The following MCPH1 variants were observed in gnomAD, a reference collection of about 807,000 sequenced individuals.
MCPH1 encodes microcephalin 1, also known as microcephalin.
A neutral mutation model predicts 84.5 loss-of-function variants in MCPH1; 104 were observed. That is an observed-to-expected ratio of 1.23 (90% confidence interval 1.05 to 1.45). The LOEUF is 1.45. MCPH1 is among the 40% of genes most tolerant of loss of function. The probability of loss-of-function intolerance (pLI) is 0.00; values close to 1 mark genes in which losing one functional copy is unlikely to be tolerated. For synonymous variants in MCPH1, 514 were observed against 366.8 expected (o/e 1.40, Z -4.58); for missense variants, 1,498 against 1,005.7 (o/e 1.49, Z -6.62).
At chr8:6,526,990 A>T (rs1310855058) in intron 12 of MCPH1, among the ~76,000 whole-genome samples, 1 of 152,202 alleles carries the variant, frequency 6.6e-6, no homozygotes, top group East Asian at 1.9e-4. Context: ...AAGAGGAAAC[A>T]TTGGATCATA....
intron 12 of MCPH1, among the ~76,000 whole-genome samples, chr8:6,520,905 G>C (rs886460997): frequency 2.6e-5 from 4 of 152,160 alleles, no homozygotes; most frequent in African/African-American, 9.7e-5. Flanking sequence ...TTAGTAATTT[G>C]CCCAGTCTCA....
chr8:6,444,889 G>A lies in MCPH1; in HGVS notation c.1167G>A (p.Arg389=), dbSNP rs372491727. The A allele has an allele frequency of 6.2e-7, 1 of 1,614,166 alleles. No homozygotes were observed. The highest frequency in any genetic ancestry group is 1.7e-5 in the Admixed American group (1 of 60,026). Residue 389 remains arginine (R), a synonymous_variant, in exon 8 of 14, where the codon AGG becomes AGA. Transcript: ENST00000344683. The stretch of plus-strand genomic sequence containing the variant: ...TCATGCCGAGGCTGCAGCTGTGCAG[G>A]TCGGAAGACAGGCTGCAGCACGTGG... ...RSIMPRLQLC[R]SEDRLQHVAG... is the part of the protein sequence containing the mutation.
intron 12 of MCPH1, among the ~76,000 whole-genome samples, chr8:6,598,670 C>T (rs1326259616): frequency 2.0e-5 from 3 of 152,258 alleles, no homozygotes; most frequent in East Asian, 1.9e-4. Context: ...TCGTGTGAGC[C>T]GGCGGGCGGC....
chr8:6,624,972 T>C, intron 13 of MCPH1: 1 of 618,318 alleles, frequency 1.6e-6, no homozygotes, highest in Non-Finnish European at 2.0e-6. Flanking sequence ...ACCTCCTGGG[T>C]TCAAGTGATT....
chr8:6,527,414 C>T (rs1818535157), intron 12 of MCPH1: 1 of 1,011,332 alleles, frequency 9.9e-7, no homozygotes, highest in South Asian at 1.8e-5. Context: ...AGCCCTCTCC[C>T]TTCTCCTCCC....
chr8:6,626,234 A>T (rs1379603750), intron 13 of MCPH1: 1 of 985,246 alleles, frequency 1.0e-6, no homozygotes, highest in Non-Finnish European at 1.2e-6. Context: ...TGGAGGTGTG[A>T]AGTCACTCAA....
At chr8:6,415,643 CGT>C (rs1368372466) in intron 3 of MCPH1, among the ~76,000 whole-genome samples, 2 of 152,092 alleles carry the variant, frequency 1.3e-5, no homozygotes, top group African/African-American at 4.8e-5. Flanking sequence ...TGTGAGCCAC[CGT>C]GCGCGGCCCA....
chr8:6,479,567 T>C (rs1410328522), intron 10 of MCPH1, among the ~76,000 whole-genome samples: 2 of 147,168 alleles, frequency 1.4e-5, no homozygotes, highest in African/African-American at 5.4e-5. Context: ...CCTGAGTATC[T>C]GGGACTACAG....
intron 12 of MCPH1, among the ~76,000 whole-genome samples, chr8:6,601,430 C>T (rs1305071155): frequency 6.6e-6 from 1 of 151,920 alleles, no homozygotes; most frequent in African/African-American, 2.4e-5. Context: ...ACCGGCTGCC[C>T]GTACGGGACT....
intron 11 of MCPH1, among the ~76,000 whole-genome samples, chr8:6,494,989 C>T (rs1252762827): frequency 6.6e-6 from 1 of 152,018 alleles, no homozygotes; most frequent in African/African-American, 2.4e-5. Flanking sequence ...TTTAAAAGAA[C>T]TTTATGGAAT....
intron 3 of MCPH1, among the ~76,000 whole-genome samples, chr8:6,419,742 A>C (rs1224734546): frequency 6.6e-6 from 1 of 151,584 alleles, no homozygotes; most frequent in Non-Finnish European, 1.5e-5. Context: ...CAAGTGATCC[A>C]CTCACTCCAG....
chr8:6,592,697 C>G (rs1828594071), intron 12 of MCPH1, among the ~76,000 whole-genome samples: 1 of 147,104 alleles, frequency 6.8e-6, no homozygotes, highest in Admixed American at 6.9e-5. Flanking sequence ...CTCTGTCACC[C>G]AGGCTGAAGT....
rs117670677 is a variant in MCPH1, at chr8:6,416,135, C to G, written c.233+1252C>G. Among the ~76,000 whole-genome samples, 2,217 of 152,256 alleles carry G rather than the reference C, an allele frequency of 0.015. 119 individuals are homozygous for G. In the East Asian group the frequency reaches 0.18, roughly 13 times the overall value. On this transcript the variant is annotated intron_variant, in intron 3 of 13. Coordinates refer to ENST00000344683, the MANE Select transcript of MCPH1 (RefSeq NM_024596.5). Reference sequence around the variant, plus strand: ...ATGCAGGTGATTGTTGTATGTTGATCTTATACCCTGCAAATTTGCTTAACT... The same window carrying G: ...ATGCAGGTGATTGTTGTATGTTGATGTTATACCCTGCAAATTTGCTTAACT...
chr8:6,624,631 G>T (rs1461407916), intron 13 of MCPH1, among the ~76,000 whole-genome samples: 3 of 152,094 alleles, frequency 2.0e-5, no homozygotes, highest in African/African-American at 7.2e-5. Context: ...ACATACTTCT[G>T]GCTTTTCTCA....
chr8:6,489,920 A>G (rs969865133), intron 11 of MCPH1, among the ~76,000 whole-genome samples: 35 of 152,274 alleles, frequency 2.3e-4, no homozygotes, highest in African/African-American at 8.0e-4. Flanking sequence ...CTTTAAATGG[A>G]TAAGGCTAAA....
intron 9 of MCPH1, among the ~76,000 whole-genome samples, chr8:6,467,561 A>G (rs2129558159): frequency 6.6e-6 from 1 of 152,228 alleles, no homozygotes; most frequent in Non-Finnish European, 1.5e-5. Context: ...GTAGGAATGA[A>G]ACAGTTTACA....
chr8:6,564,016 C>G (rs904888166), intron 12 of MCPH1, among the ~76,000 whole-genome samples: 1 of 127,668 alleles, frequency 7.8e-6, no homozygotes, highest in African/African-American at 2.9e-5. Flanking sequence ...GAGTCTCGCT[C>G]TGTCGACCAG....
At chr8:6,431,997 CA>C (rs1238672532) in intron 4 of MCPH1, among the ~76,000 whole-genome samples, 1 of 152,218 alleles carries the variant, frequency 6.6e-6, no homozygotes, top group Non-Finnish European at 1.5e-5. Flanking sequence ...ATCTGCTGTA[CA>C]AATACAGTTG....
chr8:6,534,068 C>A (rs1007605467), intron 12 of MCPH1, among the ~76,000 whole-genome samples: 2 of 152,130 alleles, frequency 1.3e-5, no homozygotes, highest in South Asian at 4.2e-4. Context: ...TCAGCCTGGT[C>A]ACTAAGGCTG....
Sources: allele counts gnomAD v4.1 joint callset (sites outside exome capture counted in the v4.1 genomes callset), GRCh38; gene constraint gnomAD v4.1.1; transcripts MANE v1.5; gene names NCBI Gene and HGNC (gene_info 2026-07-23, HGNC 2026-07-21).